EXOC4: variants seen among roughly 807,000 people sequenced by gnomAD.
EXOC4 encodes the protein exocyst complex component 4, also known as SEC8-like 1.
In EXOC4, 71 loss-of-function variants were observed where a neutral mutation model predicts 107.2. The observed-to-expected ratio is 0.66, with a 90% confidence interval of 0.55 to 0.81. The LOEUF is 0.81. EXOC4 is among the 30% of genes least tolerant of loss of function. The pLI is 0.00. For missense variants in EXOC4, 1,108 were observed against 1,189.6 expected, an observed-to-expected ratio of 0.93 and a Z score of 1.01; for synonymous variants, 456 against 441.2, an observed-to-expected ratio of 1.03 and a Z score of -0.42.
chr7:133,871,912 G>A (rs914389175), intron 11 of EXOC4, among the ~76,000 whole-genome samples: 2 of 152,226 alleles, frequency 1.3e-5, no homozygotes, highest in African/African-American at 4.8e-5. Context: ...GTGGCTTATA[G>A]TAAGCAATAT....
intron 9 of EXOC4, among the ~76,000 whole-genome samples, chr7:133,601,572 A>G (rs1414888983): frequency 1.3e-5 from 2 of 152,156 alleles, no homozygotes; most frequent in East Asian, 3.9e-4. Context: ...CCCCATCTTC[A>G]TGTTCCTTTC....
At chr7:133,578,576 C>T (rs1335877073) in intron 9 of EXOC4, among the ~76,000 whole-genome samples, 1 of 152,146 alleles carries the variant, frequency 6.6e-6, no homozygotes, top group Non-Finnish European at 1.5e-5. Context: ...GTTATTTGTA[C>T]AGCTGTATCA....
intron 7 of EXOC4, among the ~76,000 whole-genome samples, chr7:133,383,859 A>G (rs1319663051): frequency 6.6e-6 from 1 of 152,192 alleles, no homozygotes; most frequent in African/African-American, 2.4e-5. Flanking sequence ...GGCATCGTGA[A>G]GTCATGTTGT....
chr7:134,074,649 G>C, the EXOC4 span, among the ~76,000 whole-genome samples: 887 of 152,270 alleles, frequency 5.8e-3, 15 homozygotes, highest in African/African-American at 0.02. Flanking sequence ...TCCAGGTCTC[G>C]ACTGCCACTC....
At chr7:133,396,515 G>A (rs1368028986) in intron 7 of EXOC4, 1 of 152,156 alleles carries the variant, frequency 6.6e-6, no homozygotes, top group African/African-American at 2.4e-5. Flanking sequence ...TTTTCAAGTG[G>A]CTATTCTTGT....
At chr7:133,609,708 A>T (rs1187806882) in intron 9 of EXOC4, among the ~76,000 whole-genome samples, 1 of 152,240 alleles carries the variant, frequency 6.6e-6, no homozygotes, top group Non-Finnish European at 1.5e-5. Context: ...AATCATGAGA[A>T]TAGTGATAGA....
In EXOC4 at chr7:133,287,535, G is replaced by A. The variant is rs886381774; in HGVS notation, c.277-1387G>A. ...TCACCGTGTTAGCCAGGATGGTCTCGATCTCCTGACCTCGTGATCCACCCG... is the reference window on the plus strand; with the variant it reads ...TCACCGTGTTAGCCAGGATGGTCTCAATCTCCTGACCTCGTGATCCACCCG... On this transcript the variant is annotated intron_variant, in intron 2 of 17. Coordinates refer to ENST00000253861, the MANE Select transcript of EXOC4 (RefSeq NM_021807.4). Among the ~76,000 whole-genome samples, 6 of 152,106 alleles carry A rather than the reference G, an allele frequency of 3.9e-5. No homozygotes were observed. In the South Asian group the frequency reaches 1.2e-3, roughly 32 times the overall value.
chr7:133,474,434 A>G (rs573385147), intron 7 of EXOC4, among the ~76,000 whole-genome samples: 1 of 151,642 alleles, frequency 6.6e-6, no homozygotes, highest in East Asian at 1.9e-4. Context: ...CAGCCTCTCA[A>G]GTAGCTGGGA....
chr7:133,486,140 A>G (rs943963542), intron 9 of EXOC4, among the ~76,000 whole-genome samples: 1 of 152,206 alleles, frequency 6.6e-6, no homozygotes, highest in African/African-American at 2.4e-5. Context: ...CATAGTAAAT[A>G]TGGACATACT....
chr7:133,883,767 G>C (rs1799018398), intron 11 of EXOC4, among the ~76,000 whole-genome samples: 1 of 152,204 alleles, frequency 6.6e-6, no homozygotes, highest in Non-Finnish European at 1.5e-5. Context: ...TCTGCGTTCA[G>C]GGTGGAGGCT....
At chr7:134,069,295 T>TTTCCTC (rs1554442575), downstream of EXOC4, among the ~76,000 whole-genome samples, 2 of 37,362 alleles carry the variant, frequency 5.4e-5, no homozygotes, top group African/African-American at 3.6e-4. Context: ...TCCCCCTCAT[T>TTTCCTC]CTCCTCCTCC....
intron 14 of EXOC4, among the ~76,000 whole-genome samples, chr7:133,986,506 C>T (rs1483682803): frequency 6.6e-6 from 1 of 152,152 alleles, no homozygotes; most frequent in Admixed American, 6.5e-5. Context: ...AAAATAGTTA[C>T]TATGAAATTT....
chr7:133,380,567 T>C (rs922119822), intron 7 of EXOC4, among the ~76,000 whole-genome samples: 3 of 152,206 alleles, frequency 2.0e-5, no homozygotes, highest in African/African-American at 7.2e-5. Context: ...GATCTACTTT[T>C]TGGAAATGAC....
intron 9 of EXOC4, among the ~76,000 whole-genome samples, chr7:133,487,727 C>CA (rs945645966): frequency 1.5e-4 from 22 of 151,572 alleles, no homozygotes; most frequent in African/African-American, 2.7e-4. Flanking sequence ...AACAAACAAA[C>CA]AAAAAAAACG....
intron 7 of EXOC4, among the ~76,000 whole-genome samples, chr7:133,439,026 A>G (rs1250086962): frequency 2.0e-5 from 3 of 151,982 alleles, no homozygotes; most frequent in Non-Finnish European, 4.4e-5. Flanking sequence ...GTGTTTGCCT[A>G]TGTATGTATA....
chr7:134,096,087 A>G, the EXOC4 span, among the ~76,000 whole-genome samples: 4 of 152,222 alleles, frequency 2.6e-5, no homozygotes, highest in Non-Finnish European at 4.4e-5. Flanking sequence ...TTCAGAATCT[A>G]TAAGGAACTT....
intron 9 of EXOC4, among the ~76,000 whole-genome samples, chr7:133,564,329 A>C (rs138809793): frequency 1.7e-4 from 26 of 152,112 alleles, no homozygotes; most frequent in Admixed American, 5.9e-4. Flanking sequence ...CAAACAACCA[A>C]ATCTCATGAG....
At chr7:133,983,671 T>C (rs1257142113) in intron 14 of EXOC4, among the ~76,000 whole-genome samples, 1 of 151,784 alleles carries the variant, frequency 6.6e-6, no homozygotes, top group East Asian at 1.9e-4. Flanking sequence ...TGCCATGTAA[T>C]ATTTTTGCCT....
At chr7:133,830,158 C>G (rs1164744941) in intron 11 of EXOC4, among the ~76,000 whole-genome samples, 1 of 152,204 alleles carries the variant, frequency 6.6e-6, no homozygotes, top group Non-Finnish European at 1.5e-5. Context: ...CTTCTCTTTG[C>G]CCCATTTCAA....
Sources: allele counts gnomAD v4.1 joint callset (sites outside exome capture counted in the v4.1 genomes callset), GRCh38; gene constraint gnomAD v4.1.1; transcripts MANE v1.5; gene names NCBI Gene and HGNC (gene_info 2026-07-23, HGNC 2026-07-21).